Variants in ACOX2 observed in about 807,000 individuals in gnomAD.
The protein encoded by ACOX2 is peroxisomal acyl-coenzyme A oxidase 2.
Under a neutral mutation model 77.5 loss-of-function variants are expected in ACOX2, and 59 were observed. The ratio of observed to expected loss-of-function variants is 0.76; its 90% CI spans 0.62 to 0.95. The LOEUF is 0.95. Ranked by LOEUF, ACOX2 falls within the 40% of genes least tolerant of loss-of-function variation. ACOX2 has a pLI of 0.00. For missense variants in ACOX2, 837 were observed against 880.4 expected, an observed-to-expected ratio of 0.95 and a Z score of 0.62; for synonymous variants, 317 against 340.1, an observed-to-expected ratio of 0.93 and a Z score of 0.75.
At position 58,526,685 on chromosome 3, in the gene ACOX2, G is replaced by A. The variant is rs1460601348; in HGVS notation, c.1156-29C>T. On this transcript the variant is annotated intron_variant, in intron 9 of 14. Transcript: ENST00000302819. The surrounding 1 kb of genome is among the most constrained non-coding windows in gnomAD (Gnocchi z 4.3). Reference sequence around the variant, plus strand: ...TGAGAACATGGAGGGGGGTTGGGCGGTGTTAGGGGGCCTCCACCATAGGGA... The same window carrying A: ...TGAGAACATGGAGGGGGGTTGGGCGATGTTAGGGGGCCTCCACCATAGGGA... The A allele has an allele frequency of 6.2e-7, 1 of 1,605,090 alleles. No homozygotes were observed. Among genetic ancestry groups the A allele is most frequent in the Non-Finnish European group, 8.5e-7 (1 of 1,175,656 alleles).
intron 13 of ACOX2, among the ~76,000 whole-genome samples, chr3:58,510,664 ATATATATAT>A (rs1343080410): frequency 2.0e-4 from 2 of 9,992 alleles, no homozygotes; most frequent in African/African-American, 4.9e-4. Flanking sequence ...AAAAAAAAAA[ATATATATAT>A]ATATATATAT....
rs1283208357 is a variant in ACOX2, at chr3:58,522,116, T to C, written c.1632+380A>G. Among the ~76,000 whole-genome samples, 1 of 152,112 alleles carries C rather than the reference T, an allele frequency of 6.6e-6. No individual in the cohort carries two copies. The highest frequency in any genetic ancestry group is 6.5e-5 in the Admixed American group (1 of 15,272). ...AGGTCAGTGCCCAGGGCAGAGTGGG[T>C]GCTCAAATATTTGCCGACCGACTGT... On this transcript the variant is annotated intron_variant, in intron 12 of 14. Coordinates refer to ENST00000302819, the MANE Select transcript of ACOX2 (RefSeq NM_003500.4). This position sits in a 1 kb window ranked among gnomAD's most constrained non-coding sequence, Gnocchi z 4.3.
intron 13 of ACOX2, among the ~76,000 whole-genome samples, chr3:58,513,714 C>T (rs566234414): frequency 2.0e-5 from 3 of 151,894 alleles, no homozygotes; most frequent in African/African-American, 7.2e-5. Context: ...TTTTGGTCTC[C>T]ATCTTTTATG....
chr3:58,518,075 CAAAAAA>C lies in ACOX2; in HGVS notation c.1633-658_1633-653del, dbSNP rs763535906. Among the ~76,000 whole-genome samples the C allele has an allele frequency of 1.2e-3, 57 of 47,696 alleles. 1 individual carries two copies. Among genetic ancestry groups the C allele is most frequent in the African/African-American group, 5.3e-3 (51 of 9,544 alleles). 31.3% of individuals were successfully genotyped at this position (47,696 alleles called of 152,430 possible). A position where few individuals can be genotyped will look rare whatever the true frequency, so the allele number is the denominator to read the frequency against. ...GGGCAATAAGAGCAAAACTCCATCTCAAAAAAAAAAAAAAAAAAAAAAAAAGAAAAG... is the reference window on the plus strand; with the variant it reads ...GGGCAATAAGAGCAAAACTCCATCTCAAAAAAAAAAAAAAAAAAAGAAAAG... On this transcript the variant is annotated intron_variant, in intron 12 of 14. Coordinates refer to ENST00000302819, the MANE Select transcript of ACOX2 (RefSeq NM_003500.4).
chr3:58,533,379 C>CT lies in ACOX2; in HGVS notation c.583+65dup. 6.9e-7 allele frequency: 1 copy of CT among 1,438,948 alleles called. No homozygotes were observed. The highest frequency in any genetic ancestry group is 9.7e-7 in the Non-Finnish European group (1 of 1,027,670). 89.1% of individuals were successfully genotyped at this position (1,438,948 alleles called of 1,614,324 possible). On this transcript the variant is annotated intron_variant, in intron 5 of 14. Coordinates refer to ENST00000302819, the MANE Select transcript of ACOX2 (RefSeq NM_003500.4). This position sits in a 1 kb window ranked among gnomAD's most constrained non-coding sequence, Gnocchi z 5.6. ...GGTCTGTTGGACCTCAAAGCCAGTG[C>CT]TACTCTGCCCTCCAACATTCTTCTA...
chr3:58,531,926 A>G lies in ACOX2; in HGVS notation c.584-114T>C. 1 of 1,404,444 alleles carries G rather than the reference A, an allele frequency of 7.1e-7. No homozygotes were observed. The highest frequency in any genetic ancestry group is 9.3e-7 in the Non-Finnish European group (1 of 1,072,634). 87.0% of individuals were successfully genotyped at this position (1,404,444 alleles called of 1,614,324 possible). A position where few individuals can be genotyped will look rare whatever the true frequency, so the allele number is the denominator to read the frequency against. ...GATGGGTACCTCTGGGGCCCTGAAA[A>G]GTCACTGATCAAAGAGAGAGGGGAT... is the stretch of plus-strand genomic sequence containing the variant. On this transcript the variant is annotated intron_variant, in intron 5 of 14. Coordinates refer to ENST00000302819, the MANE Select transcript of ACOX2 (RefSeq NM_003500.4). The surrounding 1 kb of genome is among the most constrained non-coding windows in gnomAD (Gnocchi z 5.8).
At chr3:58,532,271 T>C (rs1388682256) in intron 5 of ACOX2, among the ~76,000 whole-genome samples, 1 of 152,176 alleles carries the variant, frequency 6.6e-6, no homozygotes, top group East Asian at 1.9e-4. Context: ...GTCTGTCTGA[T>C]CTAAAAGGCT....
chr3:58,533,992 A>G lies in ACOX2; in HGVS notation c.475+2T>C. 1.2e-6 allele frequency: 2 copies of G among 1,614,094 alleles called. No individual in the cohort carries two copies. The highest frequency in any genetic ancestry group is 1.7e-6 in the Non-Finnish European group (2 of 1,179,986). ...ACACCACACGCAGCAGTCCTAGCTC[A>G]CCATGTCCCAACTCTGTCTGTGCAT... is the stretch of plus-strand genomic sequence containing the variant. On this transcript the variant is annotated splice_donor_variant, in intron 4 of 14. Transcript: ENST00000302819. LOFTEE classifies it high-confidence loss of function. This position sits in a 1 kb window ranked among gnomAD's most constrained non-coding sequence, Gnocchi z 5.6.
At position 58,533,634 on chromosome 3, in the gene ACOX2, C is replaced by G; in HGVS notation, c.476-82G>C. ...AGCTGCTTCTAGGTGGGTCTGAACT[C>G]TTAGGCATCAGCGCAGTATGGAGTG... On this transcript the variant is annotated intron_variant, in intron 4 of 14. Transcript: ENST00000302819. The surrounding 1 kb of genome is among the most constrained non-coding windows in gnomAD (Gnocchi z 5.6). 1 of 1,323,004 alleles carries G rather than the reference C, an allele frequency of 7.6e-7. No individual in the cohort carries two copies. Among genetic ancestry groups the G allele is most frequent in the Admixed American group, 1.8e-5 (1 of 56,964 alleles). The allele number at this position is 1,323,004 out of a possible 1,614,324, so 82.0% of individuals were successfully genotyped here.
At chr3:58,510,232 C>G (rs1359354009) in intron 13 of ACOX2, among the ~76,000 whole-genome samples, 1 of 152,148 alleles carries the variant, frequency 6.6e-6, no homozygotes. Flanking sequence ...TTGATGATCC[C>G]CAACATCATA....
rs1250423971 is a variant in ACOX2, at chr3:58,514,937, G to A, written c.1850+2269C>T. ...ATGCTCTTAATAGTTTTCACCACTG[G>A]ATTCCCTGTATTAGGGAAAGTTTTA... On this transcript the variant is annotated intron_variant, in intron 13 of 14. Transcript: ENST00000302819. The surrounding 1 kb of genome is among the most constrained non-coding windows in gnomAD (Gnocchi z 4.3). Among the ~76,000 whole-genome samples the A allele has an allele frequency of 1.3e-5, 2 of 152,178 alleles. No homozygotes were observed. The highest frequency in any genetic ancestry group is 6.5e-5 in the Admixed American group (1 of 15,284).
At chr3:58,507,444 A>G (rs1443921490) in intron 14 of ACOX2, among the ~76,000 whole-genome samples, 1 of 152,238 alleles carries the variant, frequency 6.6e-6, no homozygotes, top group Non-Finnish European at 1.5e-5. Context: ...TAAAATAAAT[A>G]TTAAAACCAA....
Position 58,528,700 on chromosome 3 carries a change from C to G in ACOX2, c.1155+94G>C. 8 of 1,426,072 alleles carry G rather than the reference C, an allele frequency of 5.6e-6. No individual in the cohort carries two copies. Among genetic ancestry groups the G allele is most frequent in the Non-Finnish European group, 6.5e-6 (7 of 1,081,674 alleles). 88.3% of individuals were successfully genotyped at this position (1,426,072 alleles called of 1,614,324 possible). On this transcript the variant is annotated intron_variant, in intron 9 of 14. Transcript: ENST00000302819. The surrounding 1 kb of genome is among the most constrained non-coding windows in gnomAD (Gnocchi z 5.6). The stretch of plus-strand genomic sequence containing the variant: ...TGGGAGAGGTGGGGGTGGGGAGTGC[C>G]CATGGGGATGGGGCTGTGGCTGCTC...
At position 58,515,384 on chromosome 3, in the gene ACOX2, G is replaced by A. The variant is rs2063315139; in HGVS notation, c.1850+1822C>T. ...TGCTATGAGTAGTCATAAAGGGCAT[G>A]TAACATATTGCATATTGTGAGAAAT... is the stretch of plus-strand genomic sequence containing the variant. On this transcript the variant is annotated intron_variant, in intron 13 of 14. Coordinates refer to ENST00000302819, the MANE Select transcript of ACOX2 (RefSeq NM_003500.4). This position sits in a 1 kb window ranked among gnomAD's most constrained non-coding sequence, Gnocchi z 4.0. Among the ~76,000 whole-genome samples, 1 of 152,134 alleles carries A rather than the reference G, an allele frequency of 6.6e-6. No homozygotes were observed. The highest frequency in any genetic ancestry group is 2.1e-4 in the South Asian group (1 of 4,824).
chr3:58,519,110 C>T lies in ACOX2; in HGVS notation c.1633-1687G>A, dbSNP rs563250925. The stretch of plus-strand genomic sequence containing the variant: ...AGAGTGTCTTGGGGGTTCGGCTGGG[C>T]GCGGTGGCTCACACCTATATCCCAG... On this transcript the variant is annotated intron_variant, in intron 12 of 14. Coordinates refer to ENST00000302819, the MANE Select transcript of ACOX2 (RefSeq NM_003500.4). This position sits in a 1 kb window ranked among gnomAD's most constrained non-coding sequence, Gnocchi z 5.0. Among the ~76,000 whole-genome samples the T allele has an allele frequency of 1.7e-4, 26 of 151,778 alleles. No individual in the cohort carries two copies. The highest frequency in any genetic ancestry group is 1.6e-3 in the East Asian group (8 of 5,106).
At chr3:58,508,299 T>C (rs368992868) in intron 14 of ACOX2, among the ~76,000 whole-genome samples, 32 of 152,234 alleles carry the variant, frequency 2.1e-4, no homozygotes, top group African/African-American at 7.7e-4. Flanking sequence ...TGGCTGGGGA[T>C]TTTTTTGGCA....
Position 58,535,051 on chromosome 3 carries a change from T to C in ACOX2, c.56A>G (p.His19Arg). 6.2e-7 allele frequency: 1 copy of C among 1,614,190 alleles called. No individual in the cohort carries two copies. Among genetic ancestry groups the C allele is most frequent in the Non-Finnish European group, 8.5e-7 (1 of 1,180,024 alleles). Reference protein sequence around the residue: ...SLGDTWSRQMHPDIESERYMQ... With the variant: ...SLGDTWSRQMRPDIESERYMQ... ...ATACCTCTCGCTCTCTATGTCGGGG[T>C]GCATTTGCCTGCTCCAGGTATCCCC... Residue 19 changes from histidine (H) to arginine (R), a missense_variant, in exon 2 of 15, where the codon CAC becomes CGC. Physicochemically the swap from His to Arg is conservative, Grantham distance 29 (BLOSUM62 0). Transcript: ENST00000302819. This position sits in a 1 kb window ranked among gnomAD's most constrained non-coding sequence, Gnocchi z 4.8.
intron 8 of ACOX2, among the ~76,000 whole-genome samples, chr3:58,529,750 G>A (rs2063423035): frequency 6.6e-6 from 1 of 152,226 alleles, no homozygotes; most frequent in African/African-American, 2.4e-5. Flanking sequence ...CTGGGCTGAG[G>A]ACTTAATGTG....
Position 58,528,379 on chromosome 3 carries a change from G to T in ACOX2, c.1155+415C>A, listed in dbSNP as rs2063412473. On this transcript the variant is annotated intron_variant, in intron 9 of 14. Transcript: ENST00000302819. This position sits in a 1 kb window ranked among gnomAD's most constrained non-coding sequence, Gnocchi z 5.6. ...TGCATTTTATATAATAGCCCCAGTGGGGTTTGGGGCAGCTTTAGTGATTAA... is the reference window on the plus strand; with the variant it reads ...TGCATTTTATATAATAGCCCCAGTGTGGTTTGGGGCAGCTTTAGTGATTAA... Among the ~76,000 whole-genome samples, 1 of 152,178 alleles carries T rather than the reference G, an allele frequency of 6.6e-6. No individual in the cohort carries two copies. The highest frequency in any genetic ancestry group is 2.4e-5 in the African/African-American group (1 of 41,436).
Sources: allele counts gnomAD v4.1 joint callset (sites outside exome capture counted in the v4.1 genomes callset), GRCh38; gene constraint gnomAD v4.1.1; non-coding constraint Gnocchi (gnomAD v3.1); transcripts MANE v1.5; gene names NCBI Gene and HGNC (gene_info 2026-07-23, HGNC 2026-07-21).